Variants in CHST11 observed in about 807,000 individuals in gnomAD.
CHST11 encodes the protein C4S-1.
CHST11 carries 9 observed loss-of-function variants against 30.4 expected under a neutral mutation model. The ratio of observed to expected loss-of-function variants is 0.30; its 90% CI spans 0.18 to 0.52. The LOEUF (loss-of-function observed/expected upper bound fraction) is 0.52, where lower values mean the gene tolerates loss of function less well. Ranked by LOEUF, CHST11 falls within the 20% of genes least tolerant of loss-of-function variation. The pLI, the probability that CHST11 is intolerant of heterozygous loss-of-function variation, is 0.97. For missense variants in CHST11, 348 were observed against 460.6 expected, an observed-to-expected ratio of 0.76 and a Z score of 2.24; for synonymous variants, 152 against 187.8, an observed-to-expected ratio of 0.81 and a Z score of 1.56.
At chr12:104,541,128 T>TCACACACA (rs1337626764) in intron 1 of CHST11, among the ~76,000 whole-genome samples, 4 of 140,908 alleles carry the variant, frequency 2.8e-5, no homozygotes, top group Admixed American at 7.1e-5. Flanking sequence ...TCTCTCTCTC[T>TCACACACA]CTCACACACA....
Position 104,663,684 on chromosome 12 carries a change from C to A in CHST11, c.204+61693C>A, listed in dbSNP as rs1432715483. Among the ~76,000 whole-genome samples the A allele has an allele frequency of 2.6e-5, 4 of 152,254 alleles. No individual in the cohort carries two copies. The South Asian group carries it at 6.2e-4, about 24-fold the overall frequency. On this transcript the variant is annotated intron_variant, in intron 2 of 2. Transcript: ENST00000303694. Reference sequence around the variant, plus strand: ...AAAAATCTTACTAGGAATGGTTTGCCCAAGTGCATTGTGCCGTTGTAGAGA... The same window carrying A: ...AAAAATCTTACTAGGAATGGTTTGCACAAGTGCATTGTGCCGTTGTAGAGA...
chr12:104,687,851 T>C (rs1250975216), intron 2 of CHST11, among the ~76,000 whole-genome samples: 5 of 152,036 alleles, frequency 3.3e-5, no homozygotes, highest in African/African-American at 4.8e-5. Context: ...GGAGAAATAC[T>C]CCAGATGCAG....
intron 1 of CHST11, among the ~76,000 whole-genome samples, chr12:104,499,908 G>T (rs749597477): frequency 6.6e-6 from 1 of 152,186 alleles, no homozygotes; most frequent in Admixed American, 6.5e-5. Flanking sequence ...CCAGGGCTCA[G>T]TGGGGGAAGT....
At chr12:104,703,305 T>G (rs2040005692) in intron 2 of CHST11, among the ~76,000 whole-genome samples, 1 of 152,234 alleles carries the variant, frequency 6.6e-6, no homozygotes, top group Non-Finnish European at 1.5e-5. Context: ...CTGGCCATCT[T>G]TATTTGGCGT....
chr12:104,584,821 T>C (rs2038785774), intron 1 of CHST11, among the ~76,000 whole-genome samples: 1 of 152,236 alleles, frequency 6.6e-6, no homozygotes, highest in Non-Finnish European at 1.5e-5. Flanking sequence ...GGAAATTCTA[T>C]AGCAAACATC....
chr12:104,499,297 C>T lies in CHST11; in HGVS notation c.118+41768C>T, dbSNP rs370851678. Among the ~76,000 whole-genome samples, 52 of 152,184 alleles carry T rather than the reference C, an allele frequency of 3.4e-4. No homozygotes were observed. In the South Asian group the frequency reaches 6.6e-3, roughly 19 times the overall value. On this transcript the variant is annotated intron_variant, in intron 1 of 2. Coordinates refer to ENST00000303694, the MANE Select transcript of CHST11 (RefSeq NM_018413.6). ...GTGTCTTTGGGAGTGCATCAGAGTC[C>T]GGGTGAGGCCTGTGACCAGCCAGTG...
chr12:104,709,897 C>T (rs1482116880), intron 2 of CHST11, among the ~76,000 whole-genome samples: 1 of 152,184 alleles, frequency 6.6e-6, no homozygotes, highest in Non-Finnish European at 1.5e-5. Flanking sequence ...CTCAGTAAAG[C>T]TGTTATTCAA....
chr12:104,651,821 C>T (rs557716131), intron 2 of CHST11, among the ~76,000 whole-genome samples: 4 of 152,332 alleles, frequency 2.6e-5, no homozygotes, highest in African/African-American at 7.2e-5. Context: ...CTTGCTAACC[C>T]GACCCATTTT....
At chr12:104,718,279 A>T (rs1429283748) in intron 2 of CHST11, among the ~76,000 whole-genome samples, 1 of 152,218 alleles carries the variant, frequency 6.6e-6, no homozygotes, top group Non-Finnish European at 1.5e-5. Context: ...CAGTGGCAGA[A>T]GTGGGATTTG....
At chr12:104,567,874 C>T (rs917317843) in intron 1 of CHST11, among the ~76,000 whole-genome samples, 5 of 152,230 alleles carry the variant, frequency 3.3e-5, no homozygotes, top group African/African-American at 4.8e-5. Context: ...CACCCCTCTG[C>T]CATGTGAAGA....
Position 104,473,957 on chromosome 12 carries a change from C to T in CHST11, c.118+16428C>T, listed in dbSNP as rs747453898. On this transcript the variant is annotated intron_variant, in intron 1 of 2. Coordinates refer to ENST00000303694, the MANE Select transcript of CHST11 (RefSeq NM_018413.6). ...ACCACCACCGCGACCACTACAACCA[C>T]GACAGGGAGAACTCTTCCAAAGGCT... Among the ~76,000 whole-genome samples the T allele has an allele frequency of 5.3e-5, 8 of 151,992 alleles. No homozygotes were observed. The East Asian group carries it at 5.8e-4, about 11-fold the overall frequency.
At chr12:104,663,411 G>A (rs1028920286) in intron 2 of CHST11, among the ~76,000 whole-genome samples, 5 of 152,042 alleles carry the variant, frequency 3.3e-5, no homozygotes, top group Non-Finnish European at 7.4e-5. Flanking sequence ...AAATGAATAA[G>A]GTAAAAATCA....
At chr12:104,525,809 A>G (rs2038119777) in intron 1 of CHST11, among the ~76,000 whole-genome samples, 2 of 152,152 alleles carry the variant, frequency 1.3e-5, no homozygotes, top group South Asian at 4.1e-4. Context: ...TTACACAACT[A>G]ACAATCTCCT....
chr12:104,714,551 G>GTGATGA (rs58768319), intron 2 of CHST11, among the ~76,000 whole-genome samples: 8 of 150,846 alleles, frequency 5.3e-5, no homozygotes, highest in South Asian at 4.2e-4. Flanking sequence ...TGTGGAGGTG[G>GTGATGA]TGATGATGAT....
intron 2 of CHST11, among the ~76,000 whole-genome samples, chr12:104,753,059 A>G (rs898065191): frequency 5.3e-5 from 8 of 152,234 alleles, no homozygotes; most frequent in African/African-American, 1.9e-4. Flanking sequence ...TGTGACAAGC[A>G]TAGATCTGAG....
At chr12:104,652,495 A>G (rs1592818238) in intron 2 of CHST11, among the ~76,000 whole-genome samples, 1 of 152,230 alleles carries the variant, frequency 6.6e-6, no homozygotes, top group South Asian at 2.1e-4. Flanking sequence ...CAATTTCCCC[A>G]CAAATGATCA....
At chr12:104,516,238 C>A (rs1000169764) in intron 1 of CHST11, among the ~76,000 whole-genome samples, 2 of 152,080 alleles carry the variant, frequency 1.3e-5, no homozygotes, top group Non-Finnish European at 2.9e-5. Flanking sequence ...GTCATATGTC[C>A]CCTAGGGGCA....
Position 104,537,933 on chromosome 12 carries a change from C to T in CHST11, c.119-63973C>T, listed in dbSNP as rs190876409. Among the ~76,000 whole-genome samples the T allele has an allele frequency of 7.9e-4, 120 of 152,172 alleles. 2 individuals are homozygous for T. In the Middle Eastern group the frequency reaches 0.017, roughly 22 times the overall value. On this transcript the variant is annotated intron_variant, in intron 1 of 2. Transcript: ENST00000303694. ...CTGCTTTTGAACTCGTGAGCTCAAG[C>T]GATCCTCCCACCTCAGCCTCCCACA...
intron 2 of CHST11, among the ~76,000 whole-genome samples, chr12:104,619,405 G>T (rs545291239): frequency 6.6e-6 from 1 of 152,174 alleles, no homozygotes; most frequent in Non-Finnish European, 1.5e-5. Flanking sequence ...TTAGGAGGCT[G>T]CTTTTAGATG....
Sources: allele counts gnomAD v4.1 joint callset (sites outside exome capture counted in the v4.1 genomes callset), GRCh38; gene constraint gnomAD v4.1.1; transcripts MANE v1.5; gene names NCBI Gene and HGNC (gene_info 2026-07-23, HGNC 2026-07-21).